SNRNP200: variants seen among roughly 807,000 people sequenced by gnomAD.
SNRNP200 encodes small nuclear ribonucleoprotein U5 subunit 200.
A neutral mutation model predicts 255.2 loss-of-function variants in SNRNP200; 66 were observed. That is an observed-to-expected ratio of 0.26 (90% CI 0.21 to 0.32). The LOEUF (loss-of-function observed/expected upper bound fraction) is 0.32, where lower values mean the gene tolerates loss of function less well. Among genes scored for constraint, SNRNP200 ranks in the 10% least tolerant of loss-of-function variants. SNRNP200 has a pLI of 1.00. For synonymous variants in SNRNP200, 939 were observed against 1,027.8 expected (o/e 0.91, Z 1.65); for missense variants, 1,585 against 2,749.8 (o/e 0.58, Z 9.47).
Position 96,278,064 on chromosome 2 carries a change from T to C in SNRNP200, c.5611-114A>G, listed in dbSNP as rs1684699233. 5 of 1,532,060 alleles carry C rather than the reference T, an allele frequency of 3.3e-6. No individual in the cohort carries two copies. The South Asian group carries it at 3.4e-5, about 10-fold the overall frequency. The allele number at this position is 1,532,060 out of a possible 1,614,324, so 94.9% of individuals were successfully genotyped here. On this transcript the variant is annotated intron_variant, in intron 39 of 44. Coordinates refer to ENST00000323853, the MANE Select transcript of SNRNP200 (RefSeq NM_014014.5). The surrounding 1 kb of genome is among the most constrained non-coding windows in gnomAD (Gnocchi z 6.9). Reference sequence around the variant, plus strand: ...CACAGCCCTTCAACACCCTGAGGCATGTGGGTGGTAATGGGATGGAGATGG... The same window carrying C: ...CACAGCCCTTCAACACCCTGAGGCACGTGGGTGGTAATGGGATGGAGATGG...
At chr2:96,288,797 A>G in intron 23 of SNRNP200, 51 bp from the exon 24 acceptor site, 1 of 1,492,410 alleles carries the variant, frequency 6.7e-7, no homozygotes, top group Non-Finnish European at 9.4e-7. Flanking sequence ...GAACAGTCCA[A>G]GAAAGGGAAT....
rs1206018925 is a variant in SNRNP200 at position 96,278,657 on chromosome 2, A to G, written c.5378T>C (p.Leu1793Pro). The change falls in exon 38 of 45, where the codon CTG (leucine) becomes CCG (proline). Residue 1793 changes from leucine to proline, a missense_variant. Physicochemically the swap from Leu to Pro is moderately conservative, Grantham distance 98. Coordinates refer to ENST00000323853, the MANE Select transcript of SNRNP200 (RefSeq NM_014014.5). The surrounding 1 kb of genome is among the most constrained non-coding windows in gnomAD (Gnocchi z 6.9). ...DHLSELVEQT[L>P]SDLEQSKCIS... ...GCACTTGGACTGCTCCAGGTCACTCAGGGTCTGCTCCACCAGCTCTGACAA... is the reference window on the plus strand; with the variant it reads ...GCACTTGGACTGCTCCAGGTCACTCGGGGTCTGCTCCACCAGCTCTGACAA... 8 of 1,614,114 alleles carry G rather than the reference A, an allele frequency of 5.0e-6. No individual in the cohort carries two copies. The highest frequency in any genetic ancestry group is 6.8e-6 in the Non-Finnish European group (8 of 1,180,054).
At chr2:96,300,592 T>C (rs1027559864) in intron 5 of SNRNP200, among the ~76,000 whole-genome samples, 2 of 151,978 alleles carry the variant, frequency 1.3e-5, no homozygotes, top group Non-Finnish European at 2.9e-5. Context: ...TGAAACCCCG[T>C]CTCCACTAAA....
Position 96,293,513 on chromosome 2 carries a change from C to T in SNRNP200, c.1843-4G>A, listed in dbSNP as rs552215538. On this transcript the variant is annotated splice_polypyrimidine_tract_variant and splice_region_variant and intron_variant, in intron 14 of 44. Coordinates refer to ENST00000323853, the MANE Select transcript of SNRNP200 (RefSeq NM_014014.5). ...CGTGGAGAAGATGAATCTCATCCTA[C>T]GGAATTGGAGGACAGAAATTACCTC... 60 of 1,611,898 alleles carry T rather than the reference C, an allele frequency of 3.7e-5. No homozygotes were observed. Among genetic ancestry groups the T allele is most frequent in the Middle Eastern group, 2.2e-4 (1 of 4,474 alleles).
chr2:96,277,260 C>CTCACA lies in SNRNP200; in HGVS notation c.5932-20_5932-19insTGTGA. ...CCACTCCCTGCAGTGAGTATTCAGA[C>CTCACA]GTCAGGAAAGAGAGAACACGGGCCA... is the stretch of plus-strand genomic sequence containing the variant. On this transcript the variant is annotated intron_variant, in intron 41 of 44. Coordinates refer to ENST00000323853, the MANE Select transcript of SNRNP200 (RefSeq NM_014014.5). This position sits in a 1 kb window ranked among gnomAD's most constrained non-coding sequence, Gnocchi z 4.4. 3.7e-6 allele frequency: 6 copies of CTCACA among 1,613,878 alleles called. No individual in the cohort carries two copies. The highest frequency in any genetic ancestry group is 5.1e-6 in the Non-Finnish European group (6 of 1,179,862).
rs745612780 is a variant in SNRNP200 at position 96,295,500 on chromosome 2, C to A, written c.1830G>T (p.Arg610=). 1 of 1,613,766 alleles carries A rather than the reference C, an allele frequency of 6.2e-7. No individual in the cohort carries two copies. Among genetic ancestry groups the A allele is most frequent in the Non-Finnish European group, 8.5e-7 (1 of 1,179,992 alleles). ...GGERTYTQLV[R]LIILDEIHLL... The stretch of plus-strand genomic sequence containing the variant: ...GCTCCCAACTCACCAGAATGATGAG[C>A]CGCACCAGCTGGGTGTAGGTGCGCT... Residue 610 remains arginine (R), a synonymous_variant, in exon 14 of 45, where the codon CGG becomes CGT. Coordinates refer to ENST00000323853, the MANE Select transcript of SNRNP200 (RefSeq NM_014014.5).
chr2:96,305,088 G>C (rs2063978879), intron 1 of SNRNP200, among the ~76,000 whole-genome samples: 3 of 152,182 alleles, frequency 2.0e-5, no homozygotes, highest in Non-Finnish European at 4.4e-5. Flanking sequence ...AACAATTCTT[G>C]TTCCTAACAG....
intron 8 of SNRNP200, 36 bp downstream of exon 8, chr2:96,298,567 T>C (rs1278320065): frequency 3.1e-6 from 5 of 1,604,470 alleles, no homozygotes; most frequent in Non-Finnish European, 4.3e-6. Flanking sequence ...CACACATATG[T>C]ACTCACTCTG....
Position 96,285,349 on chromosome 2 carries a change from C to T in SNRNP200, c.4004-9G>A. 1 of 1,613,992 alleles carries T rather than the reference C, an allele frequency of 6.2e-7. No homozygotes were observed. Among genetic ancestry groups the T allele is most frequent in the Non-Finnish European group, 8.5e-7 (1 of 1,179,986 alleles). On this transcript the variant is annotated splice_polypyrimidine_tract_variant and intron_variant, in intron 29 of 44. Transcript: ENST00000323853. Reference sequence around the variant, plus strand: ...GTATACAGTGTTAAACACTGGAAACCAACAGAAAGAAGCAGTGTAAGTATC... The same window carrying T: ...GTATACAGTGTTAAACACTGGAAACTAACAGAAAGAAGCAGTGTAAGTATC...
intron 43 of SNRNP200, among the ~76,000 whole-genome samples, chr2:96,275,862 C>T (rs947513785): frequency 2.0e-5 from 3 of 152,166 alleles, no homozygotes; most frequent in Non-Finnish European, 4.4e-5. Flanking sequence ...AGAAATTAGC[C>T]GGGCATGGTG....
chr2:96,275,471 G>A (rs1357188551), intron 43 of SNRNP200, 122 bp from the exon 44 acceptor site: 14 of 832,988 alleles, frequency 1.7e-5, no homozygotes, highest in Non-Finnish European at 2.6e-5. Context: ...GTTTCTTCCC[G>A]AAATACAATT....
chr2:96,288,746 T>A lies in SNRNP200; in HGVS notation c.3175A>T (p.Ile1059Phe), dbSNP rs1408145212. 9.9e-6 allele frequency: 16 copies of A among 1,614,018 alleles called. No homozygotes were observed. The highest frequency in any genetic ancestry group is 1.4e-5 in the Non-Finnish European group (16 of 1,179,968). ...KESIEEPSAK[I>F]NVLLQAFISQ... ...ATGAAGGCTTGCAGAAGAACGTTGA[T>A]CTGTAAAGAAGCAAAATCAGCCAGC... Residue 1059 changes from isoleucine (I) to phenylalanine (F), a missense_variant and splice_region_variant, in exon 24 of 45, where the codon ATC becomes TTC. By Grantham distance (21) the Ile-to-Phe change is conservative. Coordinates refer to ENST00000323853, the MANE Select transcript of SNRNP200 (RefSeq NM_014014.5).
In SNRNP200 at chr2:96,291,813, G is replaced by T; in HGVS notation, c.2248C>A (p.Leu750Met). 2 of 1,614,184 alleles carry T rather than the reference G, an allele frequency of 1.2e-6. No homozygotes were observed. Among genetic ancestry groups the T allele is most frequent in the Non-Finnish European group, 1.7e-6 (2 of 1,180,038 alleles). ...DMCLEKDTLG[L>M]FLREGSASTE... The stretch of plus-strand genomic sequence containing the variant: ...GAGGCTGAGCCCTCCCTCAGAAACA[G>T]ACCCAGAGTGTCCTTTTCTAGGCAC... The change falls in exon 17 of 45, where the codon CTG becomes ATG. Residue 750 changes from leucine (L) to methionine (M), a missense_variant. By Grantham distance (15) the Leu-to-Met change is conservative. Coordinates refer to ENST00000323853, the MANE Select transcript of SNRNP200 (RefSeq NM_014014.5). This position sits in a 1 kb window ranked among gnomAD's most constrained non-coding sequence, Gnocchi z 4.2.
chr2:96,298,508 A>T, intron 8 of SNRNP200, 88 bp from the exon 9 acceptor site: 1 of 1,610,150 alleles, frequency 6.2e-7, no homozygotes, highest in South Asian at 1.1e-5. Flanking sequence ...AAAATAAAAG[A>T]AACAAGCACT....
rs557596172 is a variant in SNRNP200 at position 96,296,886 on chromosome 2, C to G, written c.1515+47G>C. On this transcript the variant is annotated intron_variant, in intron 12 of 44. Coordinates refer to ENST00000323853, the MANE Select transcript of SNRNP200 (RefSeq NM_014014.5). ...ATAAAAAACAATCTTGCAACGGAAA[C>G]TCCACACCATATTCTACAAGAAAAC... 9.9e-6 allele frequency: 16 copies of G among 1,613,426 alleles called. 1 individual carries two copies. The highest frequency in any genetic ancestry group is 8.8e-5 in the South Asian group (8 of 91,076).
Position 96,297,693 on chromosome 2 carries a change from G to A in SNRNP200, c.1147C>T (p.Arg383Cys), listed in dbSNP as rs142216052. The stretch of plus-strand genomic sequence containing the variant: ...AGATCTGTGTCCATTCGAGACTGAC[G>A]CACTCGCTCTCTCCGGGACCTTTCC... Reference protein sequence around the residue: ...REERSRRERVRQSRMDTDLET... With the variant: ...REERSRRERVCQSRMDTDLET... The change falls in exon 10 of 45, where the codon CGT becomes TGT. Residue 383 changes from arginine to cysteine, a missense_variant. Physicochemically the swap from Arg to Cys is radical, Grantham distance 180. This residue lies in a region of SNRNP200 where 383 missense variants were observed against 645.3 expected (regional missense o/e 0.59). Coordinates refer to ENST00000323853, the MANE Select transcript of SNRNP200 (RefSeq NM_014014.5). 2.2e-5 allele frequency: 35 copies of A among 1,614,072 alleles called. No homozygotes were observed. Among genetic ancestry groups the A allele is most frequent in the African/African-American group, 4.0e-5 (3 of 74,920 alleles).
At chr2:96,297,758 A>G (rs1558770898) in intron 9 of SNRNP200, 38 bp from the exon 10 acceptor site, 3 of 1,607,178 alleles carry the variant, frequency 1.9e-6, no homozygotes, top group Non-Finnish European at 1.7e-6. Flanking sequence ...AAAACAATTC[A>G]TCAGTATCAT....
chr2:96,298,737 A>T, intron 7 of SNRNP200, 35 bp from the exon 8 acceptor site: 9 of 1,613,822 alleles, frequency 5.6e-6, no homozygotes, highest in Non-Finnish European at 7.6e-6. Context: ...ATTAAGGCCA[A>T]AGCCATCTGC....
At chr2:96,276,210 C>T (rs948701063) in intron 43 of SNRNP200, among the ~76,000 whole-genome samples, 19 of 152,150 alleles carry the variant, frequency 1.2e-4, no homozygotes, top group Admixed American at 1.3e-4. Flanking sequence ...TTCAATTATT[C>T]TCCCATATAA....
Sources: allele counts gnomAD v4.1 joint callset (sites outside exome capture counted in the v4.1 genomes callset), GRCh38; gene constraint gnomAD v4.1.1; regional missense constraint gnomAD v4.1.1; non-coding constraint Gnocchi (gnomAD v3.1); transcripts MANE v1.5; gene names NCBI Gene and HGNC (gene_info 2026-07-23, HGNC 2026-07-21).